Variants in MTHFD1 observed in about 807,000 individuals in gnomAD.
MTHFD1 encodes the protein methylenetetrahydrofolate dehydrogenase, cyclohydrolase and formyltetrahydrofolate synthetase 1.
MTHFD1 carries 44 observed loss-of-function variants against 110.3 expected under a neutral mutation model. The ratio of observed to expected loss-of-function variants is 0.40; its 90% CI spans 0.31 to 0.51. The LOEUF is 0.51. Ranked by LOEUF, MTHFD1 falls within the 20% of genes least tolerant of loss-of-function variation. MTHFD1 has a pLI of 0.60. For synonymous variants in MTHFD1, 402 were observed against 428.8 expected (o/e 0.94, Z 0.77); for missense variants, 909 against 1,173.1 (o/e 0.77, Z 3.29).
chr14:64,435,721 C>A, intron 16 of MTHFD1, 50 bp downstream of exon 16: 1 of 1,038,926 alleles, frequency 9.6e-7, no homozygotes, highest in East Asian at 2.4e-5. Flanking sequence ...ATTGCACACC[C>A]TACACCCTCC....
chr14:64,390,202 T>C (rs1051762432), intron 1 of MTHFD1: 1 of 152,232 alleles, frequency 6.6e-6, no homozygotes, highest in African/African-American at 2.4e-5. Context: ...TAGAATTAAA[T>C]GGGTTCCTAA....
intron 15 of MTHFD1, among the ~76,000 whole-genome samples, chr14:64,435,359 T>G (rs2078197695): frequency 6.6e-6 from 1 of 152,138 alleles, no homozygotes. Flanking sequence ...CTGAATAAAC[T>G]CAACCTACTT....
chr14:64,388,642 A>G (rs1390292078), intron 1 of MTHFD1, 174 bp downstream of exon 1: 1 of 704,692 alleles, frequency 1.4e-6, no homozygotes, highest in African/African-American at 1.8e-5. Flanking sequence ...CTGCGTTTGC[A>G]AGTGGACTGC....
rs566993386 is a variant in MTHFD1 at position 64,459,273 on chromosome 14, T to C, written c.*5-486T>C. 3.3e-5 allele frequency among the ~76,000 whole-genome samples: 5 copies of C among 152,310 alleles called. No individual in the cohort carries two copies. The South Asian group carries it at 1.0e-3, about 32-fold the overall frequency. On this transcript the variant is annotated intron_variant, in intron 27 of 27. Coordinates refer to ENST00000652337, the MANE Select transcript of MTHFD1 (RefSeq NM_005956.4). ...TGAGTTTTGGGAAACTGAACCCTCATTTGGACATTAGCGAAGGGGCATTCT... is the reference window on the plus strand; with the variant it reads ...TGAGTTTTGGGAAACTGAACCCTCACTTGGACATTAGCGAAGGGGCATTCT...
At chr14:64,405,447 A>AT (rs2140949012) in intron 2 of MTHFD1, among the ~76,000 whole-genome samples, 1 of 152,322 alleles carries the variant, frequency 6.6e-6, no homozygotes, top group East Asian at 1.9e-4. Flanking sequence ...GCTTTCTGTG[A>AT]TACAAGGTTT....
At chr14:64,401,008 G>T in intron 2 of MTHFD1, 131 bp downstream of exon 2, 1 of 717,390 alleles carries the variant, frequency 1.4e-6, no homozygotes, top group Non-Finnish European at 2.5e-6. Context: ...GTCTCTCTTG[G>T]CAGGCTCCCC....
At chr14:64,412,795 A>C (rs2077994703) in intron 4 of MTHFD1, among the ~76,000 whole-genome samples, 1 of 151,644 alleles carries the variant, frequency 6.6e-6, no homozygotes, top group Non-Finnish European at 1.5e-5. Context: ...CCACCGCCTC[A>C]CCTGGCTAAT....
intron 24 of MTHFD1, among the ~76,000 whole-genome samples, chr14:64,452,555 C>G (rs375628174): frequency 6.6e-6 from 1 of 152,338 alleles, no homozygotes; most frequent in South Asian, 2.1e-4. Flanking sequence ...GAGGCCCTCA[C>G]CAGTTAGACC....
intron 1 of MTHFD1, among the ~76,000 whole-genome samples, chr14:64,397,573 G>A (rs755163224): frequency 4.8e-4 from 73 of 152,158 alleles, no homozygotes; most frequent in Non-Finnish European, 7.6e-4. Flanking sequence ...GATTGCAGGC[G>A]TGAGCCATCA....
rs1177418440 is a variant in MTHFD1, at chr14:64,417,859, A to G, written c.479-29A>G. ...GAAGGAGGGCAGCTTCTATCCTCCA[A>G]CTCTGATGCAGGCTGGCTTTTCTTT... On this transcript the variant is annotated intron_variant, in intron 6 of 27. Transcript: ENST00000652337. This position sits in a 1 kb window ranked among gnomAD's most constrained non-coding sequence, Gnocchi z 4.4. The G allele has an allele frequency of 3.1e-6, 5 of 1,611,886 alleles. No homozygotes were observed. The highest frequency in any genetic ancestry group is 4.2e-6 in the Non-Finnish European group (5 of 1,179,812).
At chr14:64,404,333 C>T (rs1363768671) in intron 2 of MTHFD1, among the ~76,000 whole-genome samples, 1 of 152,176 alleles carries the variant, frequency 6.6e-6, no homozygotes, top group African/African-American at 2.4e-5. Context: ...GCCTTGGGCT[C>T]ACCCTTGAGA....
intron 4 of MTHFD1, among the ~76,000 whole-genome samples, chr14:64,413,404 A>C (rs570186142): frequency 6.2e-4 from 94 of 152,238 alleles, no homozygotes; most frequent in Non-Finnish European, 5.4e-4. Context: ...CATTCTAAAA[A>C]CCAAATATGT....
chr14:64,457,986 C>T, intron 26 of MTHFD1: 1 of 594,424 alleles, frequency 1.7e-6, no homozygotes, highest in African/African-American at 1.9e-5. Context: ...AACCTCCTAG[C>T]CTCAAGCAAT....
intron 15 of MTHFD1, among the ~76,000 whole-genome samples, chr14:64,433,713 C>CTTT (rs1270622250): frequency 0.043 from 5,660 of 132,750 alleles, 255 homozygotes; most frequent in African/African-American, 0.1. Context: ...CTGAGCTCAG[C>CTTT]ATTTTTTTTT....
chr14:64,424,536 A>C (rs1353952709), intron 8 of MTHFD1, among the ~76,000 whole-genome samples: 1 of 152,216 alleles, frequency 6.6e-6, no homozygotes, highest in Non-Finnish European at 1.5e-5. Context: ...AATAAAAAAC[A>C]GTTGGTATTT....
chr14:64,415,936 C>T (rs544032938), intron 6 of MTHFD1, among the ~76,000 whole-genome samples, 197 bp downstream of exon 6: 61 of 152,182 alleles, frequency 4.0e-4, no homozygotes, highest in Non-Finnish European at 4.9e-4. Flanking sequence ...TGTTATTGTT[C>T]AACTGCTAAG....
intron 1 of MTHFD1, among the ~76,000 whole-genome samples, chr14:64,395,465 G>A (rs2077840202): frequency 6.6e-6 from 1 of 152,118 alleles, no homozygotes. Flanking sequence ...CATTGTTCAG[G>A]AATCCTACCA....
At chr14:64,401,008 G>C in intron 2 of MTHFD1, 131 bp downstream of exon 2, 1 of 717,390 alleles carries the variant, frequency 1.4e-6, no homozygotes, top group Non-Finnish European at 2.5e-6. Context: ...GTCTCTCTTG[G>C]CAGGCTCCCC....
chr14:64,427,644 C>T (rs11627525), intron 12 of MTHFD1, among the ~76,000 whole-genome samples, 171 bp downstream of exon 12: 10,485 of 152,280 alleles, frequency 0.069, 511 homozygotes, highest in East Asian at 0.21. Context: ...GTCATTGGAT[C>T]TCCCCAGCTC....
Sources: allele counts gnomAD v4.1 joint callset (sites outside exome capture counted in the v4.1 genomes callset), GRCh38; gene constraint gnomAD v4.1.1; non-coding constraint Gnocchi (gnomAD v3.1); transcripts MANE v1.5; gene names NCBI Gene and HGNC (gene_info 2026-07-23, HGNC 2026-07-21).